The following RIF1 variants were observed in gnomAD, a reference collection of about 807,000 sequenced individuals.
RIF1 encodes the protein replication timing regulatory factor 1.
A neutral mutation model predicts 247.1 loss-of-function variants in RIF1; 45 were observed. The ratio of observed to expected loss-of-function variants is 0.18; its 90% confidence interval spans 0.14 to 0.23. RIF1 has a LOEUF of 0.23. Ranked by LOEUF, RIF1 falls within the 10% of genes least tolerant of loss-of-function variation. The pLI is 1.00. For synonymous variants in RIF1, 1,087 were observed against 978.8 expected (o/e 1.11, Z -2.06); for missense variants, 2,967 against 2,862.5 (o/e 1.04, Z -0.83).
chr2:151,526,910 G>A, the RIF1 span: 1 of 1,558,244 alleles, frequency 6.4e-7, no homozygotes, highest in South Asian at 1.2e-5. Flanking sequence ...AAGGAACTAG[G>A]TACTTACATC....
Position 151,424,825 on chromosome 2 carries a change from A to ATTTTTT in RIF1, c.786+1809_786+1814dup, listed in dbSNP as rs71000475. Among the ~76,000 whole-genome samples, 186 of 47,266 alleles carry ATTTTTT rather than the reference A, an allele frequency of 3.9e-3. 8 individuals are homozygous for ATTTTTT. Among genetic ancestry groups the ATTTTTT allele is most frequent in the African/African-American group, 0.014 (174 of 12,462 alleles). The allele number at this position is 47,266 out of a possible 152,430, so 31.0% of individuals were successfully genotyped here. On this transcript the variant is annotated intron_variant, in intron 8 of 35. Transcript: ENST00000444746. ...CTGGGACTACCACCCAGCCCGGCTG[A>ATTTTTT]TTTTTTTTTTTTTTTTTTTTTTTTT...
intron 11 of RIF1, among the ~76,000 whole-genome samples, chr2:151,436,573 T>C (rs1359469713): frequency 6.6e-6 from 1 of 151,706 alleles, no homozygotes; most frequent in African/African-American, 2.4e-5. Context: ...TCAGCAGTTA[T>C]AAAGTGTCTT....
chr2:151,509,184 A>T (rs2071883558), downstream of RIF1, among the ~76,000 whole-genome samples: 1 of 152,212 alleles, frequency 6.6e-6, no homozygotes, highest in Non-Finnish European at 1.5e-5. Context: ...TCAGCCAATG[A>T]GAGATGTAGG....
chr2:151,460,008 T>C lies in RIF1; in HGVS notation c.2964T>C (p.Asn988=). 6.5e-7 allele frequency: 1 copy of C among 1,528,096 alleles called. No homozygotes were observed. Among genetic ancestry groups the C allele is most frequent in the African/African-American group, 1.4e-5 (1 of 70,842 alleles). The allele number at this position is 1,528,096 out of a possible 1,614,324, so 94.7% of individuals were successfully genotyped here. Residue 988 remains asparagine, a synonymous_variant, in exon 26 of 36, where the codon AAT becomes AAC. Transcript: ENST00000444746. ...SSGPYSDGTE[N]SQLNVKISGM... ...CATTTTTAATAAAACAGACAGAAAA[T>C]TCACAACTAAATGTGAAGATAAGTG...
chr2:151,527,417 A>G, the RIF1 span: 1 of 1,178,000 alleles, frequency 8.5e-7, no homozygotes. Context: ...ATTATAAATA[A>G]TTATTCATTG....
chr2:151,509,209 A>G (rs191696329), downstream of RIF1, among the ~76,000 whole-genome samples: 1 of 152,328 alleles, frequency 6.6e-6, no homozygotes, highest in Non-Finnish European at 1.5e-5. Flanking sequence ...GATTTTGTTC[A>G]TCTAAATGGA....
intron 9 of RIF1, among the ~76,000 whole-genome samples, chr2:151,489,107 GA>G (rs2053851383): frequency 6.6e-6 from 1 of 152,080 alleles, no homozygotes; most frequent in African/African-American, 2.4e-5. Flanking sequence ...TTATTTCAGG[GA>G]AAATTAGAAC....
intron 10 of RIF1, chr2:151,497,463 T>C: frequency 1.0e-6 from 1 of 982,562 alleles, no homozygotes; most frequent in South Asian, 4.7e-5. Context: ...ATGGGAATGG[T>C]GTTAGGCTAG....
At chr2:151,494,062 C>T (rs1189228884) in intron 9 of RIF1, 2 of 1,056,154 alleles carry the variant, frequency 1.9e-6, no homozygotes, top group Admixed American at 4.2e-5. Flanking sequence ...ATGTAACTGG[C>T]ATTTTGTTTG....
chr2:151,528,439 A>G, the RIF1 span, among the ~76,000 whole-genome samples: 3 of 152,188 alleles, frequency 2.0e-5, no homozygotes, highest in Admixed American at 2.0e-4. Flanking sequence ...CAAGAATATT[A>G]CAGAGAATAC....
At chr2:151,467,001 G>A (rs1445619763) in intron 30 of RIF1, among the ~76,000 whole-genome samples, 2 of 152,162 alleles carry the variant, frequency 1.3e-5, no homozygotes, top group Non-Finnish European at 1.5e-5. Context: ...GCCAAGGCAG[G>A]TGGATCACCT....
chr2:151,458,580 T>A (rs1330390900), intron 24 of RIF1, among the ~76,000 whole-genome samples: 2 of 152,088 alleles, frequency 1.3e-5, no homozygotes, highest in Non-Finnish European at 2.9e-5. Context: ...ATATTCTACT[T>A]CTTATTGGAA....
intron 11 of RIF1, chr2:151,501,404 T>G (rs1279961270): frequency 6.5e-7 from 1 of 1,549,288 alleles, no homozygotes; most frequent in East Asian, 2.4e-5. Context: ...GCTAAAGTTT[T>G]CTTGATTGAG....
chr2:151,520,231 G>A, the RIF1 span, among the ~76,000 whole-genome samples: 1 of 152,206 alleles, frequency 6.6e-6, no homozygotes, highest in East Asian at 1.9e-4. Context: ...AGAATTTATT[G>A]TTATTTTAAA....
At chr2:151,494,091 G>T in intron 9 of RIF1, 1 of 1,307,270 alleles carries the variant, frequency 7.6e-7, no homozygotes, top group Non-Finnish European at 1.1e-6. Context: ...CTGGGACAGG[G>T]TTAGGAGCAG....
At chr2:151,422,343 A>G (rs1445391757) in intron 7 of RIF1, among the ~76,000 whole-genome samples, 1 of 152,100 alleles carries the variant, frequency 6.6e-6, no homozygotes, top group South Asian at 2.1e-4. Context: ...GTAGAAAAAA[A>G]AAGTTGGATT....
intron 9 of RIF1, among the ~76,000 whole-genome samples, chr2:151,432,102 G>C (rs1437025818): frequency 2.0e-5 from 3 of 152,226 alleles, no homozygotes; most frequent in Non-Finnish European, 2.9e-5. Flanking sequence ...TCTGCCTCCT[G>C]GGTCCAAGCG....
At position 151,457,811 on chromosome 2, in the gene RIF1, C is replaced by A. The variant is rs149897961; in HGVS notation, c.2703C>A (p.Thr901=). ...EIIACLQFSY[T]GTYDSELLEQ... ...TTGCTTGTCTGCAATTCAGCTACAC[C>A]GGAACTTATGATAGTGAACTTCTTG... Residue 901 remains threonine, a synonymous_variant, in exon 24 of 36, where the codon ACC becomes ACA. Transcript: ENST00000444746. 5 of 1,613,674 alleles carry A rather than the reference C, an allele frequency of 3.1e-6. No homozygotes were observed. The Admixed American group carries it at 8.3e-5, about 27-fold the overall frequency.
chr2:151,466,021 A>T lies in RIF1; in HGVS notation c.6501A>T (p.Thr2167=). Reference sequence around the variant, plus strand: ...ATGACAGTCCTAGTGGCATGCAGACACGCTGTGTCTGGTCTCCTTTGGCTT... The same window carrying T: ...ATGACAGTCCTAGTGGCATGCAGACTCGCTGTGTCTGGTCTCCTTTGGCTT... ...SANDSPSGMQ[T]RCVWSPLASP... The change falls in exon 30 of 36, where the codon ACA becomes ACT. Residue 2167 remains threonine, a synonymous_variant. Coordinates refer to ENST00000444746, the MANE Select transcript of RIF1 (RefSeq NM_018151.5). 6.2e-7 allele frequency: 1 copy of T among 1,614,078 alleles called. No individual in the cohort carries two copies. The highest frequency in any genetic ancestry group is 8.5e-7 in the Non-Finnish European group (1 of 1,179,952).
Sources: gnomAD v4.1 joint callset for allele counts (sites outside exome capture counted in the v4.1 genomes callset) on GRCh38, gnomAD v4.1.1 for gene constraint, MANE v1.5 for transcripts, NCBI Gene and HGNC (gene_info 2026-07-23, HGNC 2026-07-21) for gene names.